EEFSEC: variants seen among roughly 807,000 people sequenced by gnomAD.
EEFSEC encodes the protein selenocysteine-specific elongation factor.
Under a neutral mutation model 42.1 loss-of-function variants are expected in EEFSEC, and 43 were observed. The observed-to-expected ratio is 1.02, with a 90% CI of 0.80 to 1.32. EEFSEC has a LOEUF of 1.32. Ranked by LOEUF, EEFSEC falls within the 40% of genes most tolerant of loss-of-function variation. The probability of loss-of-function intolerance (pLI) is 0.00; values close to 1 mark genes in which losing one functional copy is unlikely to be tolerated. For missense variants in EEFSEC, 745 were observed against 803.6 expected (o/e 0.93, Z 0.88); for synonymous variants, 354 against 339.1 (o/e 1.04, Z -0.48).
chr3:128,366,168 G>A (rs1296495091), intron 6 of EEFSEC, among the ~76,000 whole-genome samples: 9 of 152,226 alleles, frequency 5.9e-5, no homozygotes, highest in African/African-American at 1.7e-4. Flanking sequence ...TGGTTTTGGG[G>A]GACCAGTGTG....
Position 128,367,950 on chromosome 3 carries a change from C to G in EEFSEC, c.1600+9577C>G, listed in dbSNP as rs533046888. 3 of 707,540 alleles carry G rather than the reference C, an allele frequency of 4.2e-6. No individual in the cohort carries two copies. The African/African-American group carries it at 5.8e-5, about 14-fold the overall frequency. 43.8% of individuals were successfully genotyped at this position (707,540 alleles called of 1,614,324 possible). ...CCTAATGGTTCTTCCTCCCACCACC[C>G]ACTGGGAGAGCCGTGCCTCAGGAAT... is the stretch of plus-strand genomic sequence containing the variant. On this transcript the variant is annotated intron_variant, in intron 6 of 6. Coordinates refer to ENST00000254730, the MANE Select transcript of EEFSEC (RefSeq NM_021937.5).
intron 1 of EEFSEC, among the ~76,000 whole-genome samples, chr3:128,216,130 A>G (rs983689630): frequency 2.0e-5 from 3 of 152,198 alleles, no homozygotes; most frequent in Non-Finnish European, 4.4e-5. Context: ...CAGCAGATCC[A>G]CCAGTCTTCA....
chr3:128,281,474 G>C (rs933437250), intron 4 of EEFSEC, among the ~76,000 whole-genome samples: 1 of 152,226 alleles, frequency 6.6e-6, no homozygotes. Flanking sequence ...TGTATGCAGA[G>C]GTAGCATGGG....
At chr3:128,273,334 A>G (rs1340574513) in intron 4 of EEFSEC, among the ~76,000 whole-genome samples, 2 of 152,076 alleles carry the variant, frequency 1.3e-5, no homozygotes, top group Admixed American at 6.5e-5. Flanking sequence ...GTCGCCAGGC[A>G]AAGATGGAAG....
chr3:128,268,063 A>G (rs1256267781), intron 4 of EEFSEC, among the ~76,000 whole-genome samples: 1 of 152,268 alleles, frequency 6.6e-6, no homozygotes, highest in Non-Finnish European at 1.5e-5. Flanking sequence ...CTCTGAGAGC[A>G]GGGCTCTGGA....
chr3:128,163,760 C>T lies in EEFSEC; in HGVS notation c.316+9937C>T, dbSNP rs534076650. On this transcript the variant is annotated intron_variant, in intron 1 of 6. Coordinates refer to ENST00000254730, the MANE Select transcript of EEFSEC (RefSeq NM_021937.5). ...ATCTACTTAATGTCTCTGGATTGACCGGTCCTGGACATTTCATATAAGTAG... is the reference window on the plus strand; with the variant it reads ...ATCTACTTAATGTCTCTGGATTGACTGGTCCTGGACATTTCATATAAGTAG... Among the ~76,000 whole-genome samples the T allele has an allele frequency of 1.2e-4, 19 of 152,100 alleles. No individual in the cohort carries two copies. In the East Asian group the frequency reaches 1.6e-3, roughly 12 times the overall value.
Position 128,408,525 on chromosome 3 carries a change from T to G in EEFSEC, c.*266T>G, listed in dbSNP as rs1218905181. ...TAGGAAAGGGCCATGGGCAGAGGGC[T>G]GGTAGCCAGTATCTTCCACTGCCCC... On this transcript the variant is annotated 3_prime_UTR_variant, in exon 7 of 7. Coordinates refer to ENST00000254730, the MANE Select transcript of EEFSEC (RefSeq NM_021937.5). The G allele has an allele frequency of 5.4e-6, 2 of 367,718 alleles. No individual in the cohort carries two copies. Among genetic ancestry groups the G allele is most frequent in the African/African-American group, 4.2e-5 (2 of 47,888 alleles). 22.8% of individuals were successfully genotyped at this position (367,718 alleles called of 1,614,324 possible).
rs376184804 is a variant in EEFSEC, at chr3:128,301,067, A to G, written c.786+36286A>G. On this transcript the variant is annotated intron_variant, in intron 4 of 6. Transcript: ENST00000254730. ...CTCAAACAAGCTCCATCGATGGAGAAGAACCTATCAGCACAAGTGGTAATG... is the reference window on the plus strand; with the variant it reads ...CTCAAACAAGCTCCATCGATGGAGAGGAACCTATCAGCACAAGTGGTAATG... Among the ~76,000 whole-genome samples the G allele has an allele frequency of 4.6e-5, 7 of 152,368 alleles. No homozygotes were observed. In the East Asian group the frequency reaches 1.3e-3, roughly 29 times the overall value.
intron 6 of EEFSEC, among the ~76,000 whole-genome samples, chr3:128,382,198 A>G (rs914322914): frequency 3.3e-5 from 5 of 152,156 alleles, no homozygotes; most frequent in Non-Finnish European, 7.3e-5. Flanking sequence ...GTGGAGAGAA[A>G]CCCAAGGCCT....
At chr3:128,208,343 G>A (rs181980022) in intron 1 of EEFSEC, among the ~76,000 whole-genome samples, 5 of 152,178 alleles carry the variant, frequency 3.3e-5, no homozygotes, top group Non-Finnish European at 7.3e-5. Flanking sequence ...CCTTCTGTCC[G>A]TGATGTCATA....
chr3:128,409,377 TG>T (rs2107643879), downstream of EEFSEC, among the ~76,000 whole-genome samples: 1 of 151,976 alleles, frequency 6.6e-6, no homozygotes, highest in East Asian at 1.9e-4. Flanking sequence ...TGTGTGTGTG[TG>T]TGTGTGTCCC....
intron 4 of EEFSEC, among the ~76,000 whole-genome samples, chr3:128,314,284 T>C (rs1043719579): frequency 1.3e-5 from 2 of 152,230 alleles, no homozygotes; most frequent in African/African-American, 4.8e-5. Context: ...TTCTTTTTTC[T>C]CTCTGGTGCA....
rs1398259416 is a variant in EEFSEC, at chr3:128,336,161, C to T, written c.787-5072C>T. Reference sequence around the variant, plus strand: ...CCCTGAAGCTGGCTCCTCCCTGCTCCCACCTAGCATGAGGCAGATCCTCAA... The same window carrying T: ...CCCTGAAGCTGGCTCCTCCCTGCTCTCACCTAGCATGAGGCAGATCCTCAA... On this transcript the variant is annotated intron_variant, in intron 4 of 6. Coordinates refer to ENST00000254730, the MANE Select transcript of EEFSEC (RefSeq NM_021937.5). Among the ~76,000 whole-genome samples, 3 of 152,200 alleles carry T rather than the reference C, an allele frequency of 2.0e-5. No individual in the cohort carries two copies. In the South Asian group the frequency reaches 6.2e-4, roughly 32 times the overall value.
At chr3:128,262,302 TGAGAGA>T in intron 3 of EEFSEC, 78 bp downstream of exon 3, 1 of 1,316,394 alleles carries the variant, frequency 7.6e-7, no homozygotes, top group Non-Finnish European at 1.1e-6. Context: ...CTCTCTCCCC[TGAGAGA>T]GAAAGAGAGG....
At chr3:128,384,384 G>A (rs959162639) in intron 6 of EEFSEC, among the ~76,000 whole-genome samples, 1 of 152,230 alleles carries the variant, frequency 6.6e-6, no homozygotes, top group African/African-American at 2.4e-5. Context: ...GACTGGTTCA[G>A]AGGTGATTTG....
At chr3:128,240,047 G>A (rs2066053684) in intron 1 of EEFSEC, among the ~76,000 whole-genome samples, 1 of 152,256 alleles carries the variant, frequency 6.6e-6, no homozygotes, top group South Asian at 2.1e-4. Context: ...CTGAGAGAGA[G>A]TGCATGAGTG....
chr3:128,355,240 G>T (rs1324304479), intron 5 of EEFSEC, among the ~76,000 whole-genome samples: 5 of 152,170 alleles, frequency 3.3e-5, no homozygotes, highest in Non-Finnish European at 7.3e-5. Context: ...CAGCTGTCAG[G>T]GATAAGACAT....
At chr3:128,331,548 T>G (rs2067133666) in intron 4 of EEFSEC, among the ~76,000 whole-genome samples, 1 of 150,572 alleles carries the variant, frequency 6.6e-6, no homozygotes, top group Non-Finnish European at 1.5e-5. Flanking sequence ...CCTTCCTTTC[T>G]CCCCTTCTCC....
the EEFSEC span, among the ~76,000 whole-genome samples, chr3:128,419,341 G>A: frequency 6.6e-6 from 1 of 152,328 alleles, no homozygotes; most frequent in South Asian, 2.1e-4. Flanking sequence ...TCAACAATAG[G>A]TAAAGGAAGG....
Sources: gnomAD v4.1 joint callset for allele counts (sites outside exome capture counted in the v4.1 genomes callset) on GRCh38, gnomAD v4.1.1 for gene constraint, MANE v1.5 for transcripts, NCBI Gene and HGNC (gene_info 2026-07-23, HGNC 2026-07-21) for gene names.